The following RBKS variants were observed in gnomAD, a reference collection of about 807,000 sequenced individuals.
The protein encoded by RBKS is ribokinase.
A neutral mutation model predicts 33.9 loss-of-function variants in RBKS; 33 were observed. The ratio of observed to expected loss-of-function variants is 0.97; its 90% CI spans 0.74 to 1.30. The LOEUF is 1.30. Among genes scored for constraint, RBKS ranks in the 50% most tolerant of loss-of-function variants. RBKS has a pLI of 0.00. For missense variants in RBKS, 361 were observed against 392.6 expected, an observed-to-expected ratio of 0.92 and a Z score of 0.68; for synonymous variants, 125 against 143.0, an observed-to-expected ratio of 0.87 and a Z score of 0.90.
At chr2:27,879,627 C>T (rs1042762716) in intron 1 of RBKS, among the ~76,000 whole-genome samples, 8 of 152,052 alleles carry the variant, frequency 5.3e-5, no homozygotes, top group African/African-American at 1.9e-4. Flanking sequence ...CATTTCTGTT[C>T]GTTGCAAATT....
At chr2:27,818,283 G>A (rs1408337689) in intron 7 of RBKS, among the ~76,000 whole-genome samples, 2 of 152,174 alleles carry the variant, frequency 1.3e-5, no homozygotes, top group East Asian at 1.9e-4. Flanking sequence ...GCAGTGTACT[G>A]TACAAAGTAA....
intron 7 of RBKS, among the ~76,000 whole-genome samples, chr2:27,796,909 C>T (rs571172182): frequency 6.6e-6 from 1 of 152,294 alleles, no homozygotes; most frequent in African/African-American, 2.4e-5. Flanking sequence ...AGCTGCCTCA[C>T]TCCTCTCTCC....
intron 2 of RBKS, among the ~76,000 whole-genome samples, chr2:27,851,424 G>A (rs768752238): frequency 1.3e-5 from 2 of 152,170 alleles, no homozygotes; most frequent in Middle Eastern, 3.4e-3. Context: ...TGTTAGTCTA[G>A]TCTTCTTAAA....
chr2:27,889,986 G>C (rs1333804865), intron 1 of RBKS: 4 of 356,922 alleles, frequency 1.1e-5, no homozygotes, highest in Non-Finnish European at 2.0e-5. Context: ...CAAGTCTTTG[G>C]AGGGCAGGTC....
At chr2:27,789,949 G>GTATATATATATATATATA (rs35109548) in intron 7 of RBKS, among the ~76,000 whole-genome samples, 10 of 121,512 alleles carry the variant, frequency 8.2e-5, no homozygotes, top group Admixed American at 3.6e-4. Flanking sequence ...ATGTATATGT[G>GTATATATATATATATATA]TATATATATA....
At chr2:27,863,620 ATTGGC>A (rs1345470993) in intron 1 of RBKS, among the ~76,000 whole-genome samples, 1 of 152,224 alleles carries the variant, frequency 6.6e-6, no homozygotes, top group Non-Finnish European at 1.5e-5. Context: ...TCATGCTAAT[ATTGGC>A]TTCAGCCAAA....
At chr2:27,793,153 T>C (rs1487494142) in intron 7 of RBKS, among the ~76,000 whole-genome samples, 1 of 152,208 alleles carries the variant, frequency 6.6e-6, no homozygotes, top group East Asian at 1.9e-4. Flanking sequence ...TAAATAAATA[T>C]ACTGGAGAAA....
chr2:27,809,484 A>C (rs1221683424), intron 7 of RBKS, among the ~76,000 whole-genome samples: 1 of 152,264 alleles, frequency 6.6e-6, no homozygotes, highest in South Asian at 2.1e-4. Flanking sequence ...TTCTTCAGGC[A>C]ATATTAATGA....
chr2:27,823,327 T>G (rs548986186), intron 7 of RBKS, among the ~76,000 whole-genome samples: 1 of 152,252 alleles, frequency 6.6e-6, no homozygotes, highest in East Asian at 1.9e-4. Flanking sequence ...GAGGCAAAAC[T>G]GAATATAGCA....
chr2:27,885,535 AG>A (rs1275383481), intron 1 of RBKS, among the ~76,000 whole-genome samples: 1 of 152,088 alleles, frequency 6.6e-6, no homozygotes, highest in African/African-American at 2.4e-5. Context: ...ACGGCCTTTG[AG>A]TACACTATTC....
At position 27,848,067 on chromosome 2, in the gene RBKS, T is replaced by C. The variant is rs114209000; in HGVS notation, c.253A>G (p.Ile85Val). Residue 85 changes from isoleucine (I) to valine (V), a missense_variant, in exon 3 of 8, where the codon ATA becomes GTA. By Grantham distance (29) the Ile-to-Val change is conservative (BLOSUM62 3). Transcript: ENST00000302188. The stretch of plus-strand genomic sequence containing the variant: ...ATATCATTCTGTTTTAAGTTTTCTA[T>C]ATAATCATTGCCAAAAGAATCTTTG... ...VGKDSFGNDYIENLKQNDIST... is the reference protein window; with the variant it reads ...VGKDSFGNDYVENLKQNDIST... 4 of 1,506,760 alleles carry C rather than the reference T, an allele frequency of 2.7e-6. No homozygotes were observed. The South Asian group carries it at 3.5e-5, about 13-fold the overall frequency. The allele number at this position is 1,506,760 out of a possible 1,614,324, so 93.3% of individuals were successfully genotyped here. A position where few individuals can be genotyped will look rare whatever the true frequency, so the allele number is the denominator to read the frequency against.
chr2:27,880,564 A>G lies in RBKS; in HGVS notation c.89+9693T>C, dbSNP rs533757574. ...CCTTAAGCTGATAAACAACTTCAGC[A>G]AAGTCTCAGGATACAAAATCAAGAT... is the stretch of plus-strand genomic sequence containing the variant. On this transcript the variant is annotated intron_variant, in intron 1 of 7. Coordinates refer to ENST00000302188, the MANE Select transcript of RBKS (RefSeq NM_022128.3). Among the ~76,000 whole-genome samples, 3 of 152,336 alleles carry G rather than the reference A, an allele frequency of 2.0e-5. No individual in the cohort carries two copies. The South Asian group carries it at 6.2e-4, about 32-fold the overall frequency.
intron 2 of RBKS, among the ~76,000 whole-genome samples, chr2:27,849,593 G>GA (rs376552672): frequency 1.0e-5 from 1 of 100,076 alleles, no homozygotes; most frequent in African/African-American, 4.8e-5. Context: ...AAAAGAAAAA[G>GA]AAAAAAAGAA....
intron 1 of RBKS, among the ~76,000 whole-genome samples, chr2:27,881,747 GC>G (rs1558559127): frequency 6.6e-6 from 1 of 151,804 alleles, no homozygotes; most frequent in Admixed American, 6.6e-5. Context: ...AGAATAAAGA[GC>G]CCCCAAAATA....
chr2:27,842,969 G>A (rs1170220116), intron 5 of RBKS, 98 bp downstream of exon 5: 8 of 848,930 alleles, frequency 9.4e-6, no homozygotes, highest in East Asian at 8.8e-5. Flanking sequence ...AATATTTTAC[G>A]ACAGAAAGAG....
intron 7 of RBKS, among the ~76,000 whole-genome samples, chr2:27,822,408 G>A (rs1188841971): frequency 1.3e-5 from 2 of 152,198 alleles, no homozygotes; most frequent in Admixed American, 6.5e-5. Context: ...GGTTTTCAAA[G>A]ATTGAACTGT....
At chr2:27,883,853 A>G (rs1573082501) in intron 1 of RBKS, among the ~76,000 whole-genome samples, 1 of 151,924 alleles carries the variant, frequency 6.6e-6, no homozygotes, top group Non-Finnish European at 1.5e-5. Flanking sequence ...GAGCCACTGC[A>G]CCCAGCCATA....
rs1428286134 is a variant in RBKS, at chr2:27,837,457, C to G, written c.515-4680G>C. ...ACTTAAAATAGACCTACCATTTGAC[C>G]CAGCAATCCTATGCCTGGTACACAC... is the stretch of plus-strand genomic sequence containing the variant. On this transcript the variant is annotated intron_variant, in intron 5 of 7. Transcript: ENST00000302188. This position sits in a 1 kb window ranked among gnomAD's most constrained non-coding sequence, Gnocchi z 4.0. Among the ~76,000 whole-genome samples the G allele has an allele frequency of 6.6e-6, 1 of 152,072 alleles. No individual in the cohort carries two copies. Among genetic ancestry groups the G allele is most frequent in the Admixed American group, 6.6e-5 (1 of 15,260 alleles).
intron 5 of RBKS, among the ~76,000 whole-genome samples, chr2:27,838,066 G>A (rs1678561598): frequency 6.6e-6 from 1 of 152,094 alleles, no homozygotes; most frequent in Admixed American, 6.6e-5. Context: ...TGGGTGTGGT[G>A]GTGCCTGCCT....
Sources: gnomAD v4.1 joint callset for allele counts (sites outside exome capture counted in the v4.1 genomes callset) on GRCh38, gnomAD v4.1.1 for gene constraint, Gnocchi (gnomAD v3.1) non-coding constraint, MANE v1.5 for transcripts, NCBI Gene and HGNC (gene_info 2026-07-23, HGNC 2026-07-21) for gene names.